The following SIPA1L3 variants were observed in gnomAD, a reference collection of about 807,000 sequenced individuals.
The protein encoded by SIPA1L3 is signal induced proliferation associated 1 like 3.
SIPA1L3 carries 59 observed loss-of-function variants against 150.1 expected under a neutral mutation model. That is an observed-to-expected ratio of 0.39 (90% CI 0.32 to 0.49). SIPA1L3 has a LOEUF of 0.49. Ranked by LOEUF, SIPA1L3 falls within the 20% of genes least tolerant of loss-of-function variation. The pLI is 0.86. For missense variants in SIPA1L3, 2,211 were observed against 2,489.5 expected (o/e 0.89, Z 2.38); for synonymous variants, 1,070 against 1,077.6 (o/e 0.99, Z 0.14).
At chr19:38,050,430 T>C (rs1002188951) in intron 2 of SIPA1L3, among the ~76,000 whole-genome samples, 10 of 152,284 alleles carry the variant, frequency 6.6e-5, no homozygotes, top group African/African-American at 2.4e-4. Flanking sequence ...CACTCCAGCC[T>C]GGCCAACAGA....
chr19:38,017,877 G>A (rs79378819), intron 1 of SIPA1L3, among the ~76,000 whole-genome samples: 2,992 of 152,082 alleles, frequency 0.02, 86 homozygotes, highest in African/African-American at 0.067. Context: ...AACAGCCAGA[G>A]GGATCTTTCA....
At chr19:38,203,222 C>T (rs1185584025) in intron 20 of SIPA1L3, among the ~76,000 whole-genome samples, 1 of 152,186 alleles carries the variant, frequency 6.6e-6, no homozygotes, top group African/African-American at 2.4e-5. Context: ...GGCTGAGGGG[C>T]AGGAGCAGCA....
chr19:38,101,156 C>A lies in SIPA1L3; in HGVS notation c.1959C>A (p.Phe653Leu), dbSNP rs947314531. 1 of 1,611,048 alleles carries A rather than the reference C, an allele frequency of 6.2e-7. No individual in the cohort carries two copies. Among genetic ancestry groups the A allele is most frequent in the Non-Finnish European group, 8.5e-7 (1 of 1,178,962 alleles). The change falls in exon 6 of 22, where the codon TTC becomes TTA. Residue 653 changes from phenylalanine (F) to leucine (L), a missense_variant. Physicochemically the swap from Phe to Leu is conservative, Grantham distance 22. Coordinates refer to ENST00000222345, the MANE Select transcript of SIPA1L3 (RefSeq NM_015073.3). ...AGGCCGGCCCCGCCTTTGAGGAGTT[C>A]CTCTCCCTCATCGGCGAGAAGGTCT... ...NEEAGPAFEE[F>L]LSLIGEKVCL...
At chr19:38,173,753 C>T (rs1413951676) in intron 15 of SIPA1L3, 5 of 152,358 alleles carry the variant, frequency 3.3e-5, no homozygotes, top group African/African-American at 1.2e-4. Flanking sequence ...AGACAGAGAC[C>T]TCCTCGGAGA....
At chr19:38,004,617 T>TC (rs1318331626) in intron 1 of SIPA1L3, among the ~76,000 whole-genome samples, 2 of 152,178 alleles carry the variant, frequency 1.3e-5, no homozygotes, top group African/African-American at 4.8e-5. Context: ...AAAAAGAAGG[T>TC]ATCTGTCCCG....
rs1324053961 is a variant in SIPA1L3, at chr19:37,933,281, T to C, written c.-379+25923T>C. Among the ~76,000 whole-genome samples the C allele has an allele frequency of 2.0e-5, 3 of 152,066 alleles. No individual in the cohort carries two copies. In the East Asian group the frequency reaches 5.8e-4, roughly 30 times the overall value. On this transcript the variant is annotated intron_variant, in intron 1 of 21. Transcript: ENST00000222345. ...TGGCTGTTCCCTCTGCCTGCAACAC[T>C]TCCCCTAGAATTCCCCAGCGCCGCC...
chr19:38,152,738 G>C, intron 12 of SIPA1L3, 102 bp from the exon 13 acceptor site: 1 of 1,296,496 alleles, frequency 7.7e-7, no homozygotes, highest in South Asian at 1.7e-5. Context: ...AGCCTCCCGT[G>C]TGTCTAAAAC....
At chr19:38,039,349 C>T (rs940978050) in intron 2 of SIPA1L3, among the ~76,000 whole-genome samples, 4 of 129,674 alleles carry the variant, frequency 3.1e-5, no homozygotes, top group Admixed American at 1.0e-4. Flanking sequence ...CAAAGTGGTT[C>T]GATAGCTTTC....
chr19:38,066,331 T>C (rs1969591019), intron 2 of SIPA1L3, among the ~76,000 whole-genome samples: 1 of 152,148 alleles, frequency 6.6e-6, no homozygotes, highest in Admixed American at 6.5e-5. Context: ...TAGCTCTTTT[T>C]GTACAGATAC....
intron 2 of SIPA1L3, among the ~76,000 whole-genome samples, chr19:38,049,068 C>T (rs532709533): frequency 5.1e-4 from 76 of 148,648 alleles, no homozygotes; most frequent in Non-Finnish European, 9.5e-4. Flanking sequence ...GGCGACAGGG[C>T]GAGACCCCAT....
intron 9 of SIPA1L3, among the ~76,000 whole-genome samples, chr19:38,124,330 C>T (rs1277963554): frequency 4.0e-5 from 6 of 150,168 alleles, no homozygotes; most frequent in South Asian, 4.2e-4. Context: ...GACGGGGTCG[C>T]GGCCAGGCAG....
chr19:38,142,860 G>A (rs2145943512), intron 12 of SIPA1L3, 150 bp downstream of exon 12: 1 of 1,013,646 alleles, frequency 9.9e-7, no homozygotes, highest in Non-Finnish European at 1.4e-6. Flanking sequence ...CCATGGGGTG[G>A]TTATGTCTCA....
intron 18 of SIPA1L3, among the ~76,000 whole-genome samples, chr19:38,195,806 C>T (rs1277476007): frequency 1.5e-5 from 2 of 132,276 alleles, no homozygotes; most frequent in Non-Finnish European, 3.3e-5. Flanking sequence ...CCCCCCGCCC[C>T]CCCGGGTTTC....
intron 15 of SIPA1L3, among the ~76,000 whole-genome samples, chr19:38,174,230 G>A (rs922919829): frequency 6.6e-6 from 1 of 152,190 alleles, no homozygotes; most frequent in African/African-American, 2.4e-5. Context: ...TCTGCTTCCT[G>A]AAGACCCGTC....
chr19:38,043,274 A>AG (rs1474993980), intron 2 of SIPA1L3, among the ~76,000 whole-genome samples: 2 of 152,222 alleles, frequency 1.3e-5, no homozygotes, highest in Non-Finnish European at 2.9e-5. Flanking sequence ...TGGGAGGCGG[A>AG]GGTTGCAGTG....
intron 2 of SIPA1L3, among the ~76,000 whole-genome samples, chr19:38,065,192 G>T (rs1374980419): frequency 6.6e-6 from 1 of 152,176 alleles, no homozygotes; most frequent in Non-Finnish European, 1.5e-5. Flanking sequence ...ACAAGGTGGG[G>T]TGCACTGTCC....
chr19:38,122,047 C>G (rs777466921), intron 9 of SIPA1L3, among the ~76,000 whole-genome samples: 3 of 151,912 alleles, frequency 2.0e-5, no homozygotes, highest in Non-Finnish European at 4.4e-5. Context: ...ATGGTAAAAC[C>G]TCATCTCTAC....
chr19:38,165,328 T>C (rs1972185569), intron 15 of SIPA1L3, among the ~76,000 whole-genome samples: 1 of 152,158 alleles, frequency 6.6e-6, no homozygotes, highest in Non-Finnish European at 1.5e-5. Context: ...TCCCCTAACA[T>C]GAAGTCCAGA....
At chr19:38,049,107 G>A (rs1969127829) in intron 2 of SIPA1L3, among the ~76,000 whole-genome samples, 1 of 151,790 alleles carries the variant, frequency 6.6e-6, no homozygotes, top group African/African-American at 2.4e-5. Context: ...GGTGGACAGG[G>A]GGCAAGTGGA....
Sources: allele counts gnomAD v4.1 joint callset (sites outside exome capture counted in the v4.1 genomes callset), GRCh38; gene constraint gnomAD v4.1.1; transcripts MANE v1.5; gene names NCBI Gene and HGNC (gene_info 2026-07-23, HGNC 2026-07-21).